The following MAML3 variants were observed in gnomAD, a reference collection of about 807,000 sequenced individuals.
MAML3 encodes mastermind-like protein 3.
In MAML3, 27 loss-of-function variants were observed where a neutral mutation model predicts 101.9. The observed-to-expected ratio is 0.27, with a 90% CI of 0.20 to 0.37. The LOEUF (loss-of-function observed/expected upper bound fraction) is 0.37. Among genes scored for constraint, MAML3 ranks in the 10% least tolerant of loss-of-function variants. The pLI is 1.00. For missense variants in MAML3, 1,316 were observed against 1,444.9 expected (o/e 0.91, Z 1.45); for synonymous variants, 501 against 555.9 (o/e 0.90, Z 1.39).
intron 2 of MAML3, among the ~76,000 whole-genome samples, chr4:139,831,335 A>G (rs2111133829): frequency 6.6e-6 from 1 of 152,252 alleles, no homozygotes; most frequent in Non-Finnish European, 1.5e-5. Flanking sequence ...CTTTTTTGGG[A>G]AAAATAACAC....
chr4:140,151,189 T>TGGA (rs1252139525), intron 1 of MAML3, among the ~76,000 whole-genome samples: 1 of 146,750 alleles, frequency 6.8e-6, no homozygotes, highest in African/African-American at 2.5e-5. Flanking sequence ...CAAGAGTGGC[T>TGGA]GGAGGAGGAG....
At position 139,730,507 on chromosome 4, in the gene MAML3, C is replaced by T. The variant is rs769896163; in HGVS notation, c.2240G>A (p.Arg747Gln). ...CTTCTGCTGCTCTATCAACTGGGCC[C>T]GCTGATCAATGAGCATCTGCTTCAT... The part of the protein sequence containing the change: ...AIMKQMLIDQ[R>Q]AQLIEQQKQQ... The change falls in exon 3 of 5, where the codon CGG becomes CAG. Residue 747 changes from arginine (R) to glutamine (Q), a missense_variant. Coordinates refer to ENST00000509479, the MANE Select transcript of MAML3 (RefSeq NM_018717.5). 2.4e-5 allele frequency: 38 copies of T among 1,556,362 alleles called. No individual in the cohort carries two copies. The highest frequency in any genetic ancestry group is 5.9e-5 in the South Asian group (5 of 84,308).
intron 1 of MAML3, among the ~76,000 whole-genome samples, chr4:140,106,225 T>C (rs1728349983): frequency 6.6e-6 from 1 of 152,182 alleles, no homozygotes; most frequent in Admixed American, 6.5e-5. Flanking sequence ...AATCTTTCTC[T>C]TTGATTAGAC....
chr4:140,073,645 G>C (rs1230064849), intron 1 of MAML3, among the ~76,000 whole-genome samples: 1 of 152,130 alleles, frequency 6.6e-6, no homozygotes, highest in African/African-American at 2.4e-5. Flanking sequence ...TGGGGACAGG[G>C]GGTGTATGTG....
At chr4:139,732,638 TA>T (rs201209625) in intron 2 of MAML3, among the ~76,000 whole-genome samples, 27 of 149,028 alleles carry the variant, frequency 1.8e-4, no homozygotes, top group Admixed American at 3.3e-4. Context: ...AACTTAAAAT[TA>T]AAAAAAAAAT....
At chr4:139,950,631 C>G (rs1733816131) in intron 1 of MAML3, among the ~76,000 whole-genome samples, 1 of 152,172 alleles carries the variant, frequency 6.6e-6, no homozygotes, top group Non-Finnish European at 1.5e-5. Context: ...AGCACACAAA[C>G]TAGCAACCTT....
chr4:139,913,154 G>A (rs1732962444), intron 1 of MAML3, among the ~76,000 whole-genome samples: 1 of 152,170 alleles, frequency 6.6e-6, no homozygotes, highest in South Asian at 2.1e-4. Context: ...CATAAATGAG[G>A]CATGCATATG....
intron 1 of MAML3, among the ~76,000 whole-genome samples, chr4:139,894,934 T>C (rs1018018865): frequency 6.6e-6 from 1 of 152,240 alleles, no homozygotes; most frequent in Non-Finnish European, 1.5e-5. Flanking sequence ...CCTGGAGTGA[T>C]GTTAACCTTC....
chr4:139,814,476 C>A (rs1730860447), intron 2 of MAML3, among the ~76,000 whole-genome samples: 1 of 152,168 alleles, frequency 6.6e-6, no homozygotes, highest in South Asian at 2.1e-4. Flanking sequence ...TTCCCTCAGG[C>A]TTTGGAAGCC....
chr4:139,788,983 C>T (rs888400957), intron 2 of MAML3, among the ~76,000 whole-genome samples: 7 of 152,114 alleles, frequency 4.6e-5, no homozygotes, highest in African/African-American at 1.7e-4. Flanking sequence ...GGAAAGAAGA[C>T]CTTTGTTATT....
intron 1 of MAML3, among the ~76,000 whole-genome samples, chr4:139,940,350 C>T (rs1733579082): frequency 6.6e-6 from 1 of 152,170 alleles, no homozygotes; most frequent in Non-Finnish European, 1.5e-5. Context: ...TATCTGCACA[C>T]TATGTAAAGA....
chr4:140,150,064 TA>T (rs1202865103), intron 1 of MAML3, among the ~76,000 whole-genome samples: 1 of 151,308 alleles, frequency 6.6e-6, no homozygotes, highest in Non-Finnish European at 1.5e-5. Flanking sequence ...CAGCTGAAGC[TA>T]AAATACACTC....
intron 2 of MAML3, among the ~76,000 whole-genome samples, chr4:139,862,182 C>G (rs1014515261): frequency 4.6e-5 from 7 of 152,106 alleles, no homozygotes; most frequent in African/African-American, 1.7e-4. Flanking sequence ...GCACTCCAGC[C>G]TGGGCAACAA....
intron 1 of MAML3, among the ~76,000 whole-genome samples, chr4:139,963,892 C>T (rs1734074829): frequency 6.6e-6 from 1 of 152,154 alleles, no homozygotes; most frequent in South Asian, 2.1e-4. Flanking sequence ...ATGATGATGG[C>T]TATGTTCCAC....
intron 2 of MAML3, among the ~76,000 whole-genome samples, chr4:139,811,177 A>T (rs1436741212): frequency 6.6e-6 from 1 of 152,218 alleles, no homozygotes; most frequent in Non-Finnish European, 1.5e-5. Context: ...TTTAAAACTT[A>T]CGCCACTGTT....
At position 139,993,952 on chromosome 4, in the gene MAML3, T is replaced by C. The variant is rs535921234; in HGVS notation, c.469-102985A>G. Among the ~76,000 whole-genome samples, 235 of 152,362 alleles carry C rather than the reference T, an allele frequency of 1.5e-3. 1 individual carries two copies. The highest frequency in any genetic ancestry group is 2.7e-3 in the Non-Finnish European group (185 of 68,034). On this transcript the variant is annotated intron_variant, in intron 1 of 4. Transcript: ENST00000509479. ...CCCAGGTAACAAAGATTTTCTTCTA[T>C]GATTTTAGATGTTTCATAGTTTTAA...
intron 1 of MAML3, among the ~76,000 whole-genome samples, chr4:139,922,691 C>G (rs1279963151): frequency 6.6e-6 from 1 of 152,138 alleles, no homozygotes; most frequent in Non-Finnish European, 1.5e-5. Flanking sequence ...TCCAAAATGG[C>G]CCATCTTTCC....
At chr4:139,896,862 G>C (rs1022671944) in intron 1 of MAML3, among the ~76,000 whole-genome samples, 3 of 152,150 alleles carry the variant, frequency 2.0e-5, no homozygotes, top group African/African-American at 7.2e-5. Flanking sequence ...TACAGGGAAA[G>C]GGGCAGTGTT....
intron 1 of MAML3, among the ~76,000 whole-genome samples, chr4:139,928,826 A>G (rs1733320167): frequency 6.6e-6 from 1 of 152,118 alleles, no homozygotes; most frequent in African/African-American, 2.4e-5. Flanking sequence ...ACCTGTCAGG[A>G]GTGACACAGT....
Sources: allele counts gnomAD v4.1 joint callset (sites outside exome capture counted in the v4.1 genomes callset), GRCh38; gene constraint gnomAD v4.1.1; transcripts MANE v1.5; gene names NCBI Gene and HGNC (gene_info 2026-07-23, HGNC 2026-07-21).